Variants in TRIM37 observed in about 807,000 individuals in gnomAD.
The protein encoded by TRIM37 is tripartite motif containing 37.
Under a neutral mutation model 129.8 loss-of-function variants are expected in TRIM37, and 80 were observed. The observed-to-expected ratio is 0.62, with a 90% CI of 0.51 to 0.74. The LOEUF is 0.74. Ranked by LOEUF, TRIM37 falls within the 30% of genes least tolerant of loss-of-function variation. The pLI is 0.00. For missense variants in TRIM37, 1,054 were observed against 1,176.5 expected (o/e 0.90, Z 1.52); for synonymous variants, 389 against 387.1 (o/e 1.00, Z -0.06).
At chr17:59,025,691 T>C (rs1222004654) in intron 19 of TRIM37, among the ~76,000 whole-genome samples, 3 of 152,104 alleles carry the variant, frequency 2.0e-5, no homozygotes, top group Non-Finnish European at 4.4e-5. Flanking sequence ...TTTTCAATCT[T>C]TCTCTGGTTG....
At chr17:59,086,125 C>G (rs935584746) in intron 4 of TRIM37, among the ~76,000 whole-genome samples, 1 of 151,942 alleles carries the variant, frequency 6.6e-6, no homozygotes, top group Non-Finnish European at 1.5e-5. Context: ...ACATGCTTAA[C>G]ATAACTGAAC....
At chr17:59,037,482 T>C (rs1396592248) in intron 17 of TRIM37, among the ~76,000 whole-genome samples, 2 of 127,412 alleles carry the variant, frequency 1.6e-5, no homozygotes, top group East Asian at 2.7e-4. Context: ...GGGGTGAACC[T>C]GGGAGGCGGA....
chr17:59,098,858 G>A (rs934278746), intron 2 of TRIM37, among the ~76,000 whole-genome samples: 1 of 151,944 alleles, frequency 6.6e-6, no homozygotes, highest in Non-Finnish European at 1.5e-5. Flanking sequence ...TCCAAAAAGT[G>A]AAAACAACCC....
Position 59,022,343 on chromosome 17 carries a change from T to C in TRIM37, c.2258-4919A>G, listed in dbSNP as rs558627998. ...AAAAATAATATAATTTACTTTATGA[T>C]AACAAAGTAATGGAACAAAATAGTA... On this transcript the variant is annotated intron_variant, in intron 19 of 23. Transcript: ENST00000262294. Among the ~76,000 whole-genome samples, 171 of 152,332 alleles carry C rather than the reference T, an allele frequency of 1.1e-3. 1 individual carries two copies. The highest frequency in any genetic ancestry group is 3.4e-3 in the Middle Eastern group (1 of 294).
At chr17:59,005,179 T>C (rs1031368252) in intron 22 of TRIM37, among the ~76,000 whole-genome samples, 4 of 152,184 alleles carry the variant, frequency 2.6e-5, no homozygotes, top group African/African-American at 9.6e-5. Flanking sequence ...AATACCAACC[T>C]TCAGGATTCA....
chr17:59,061,279 A>G (rs1178164323), intron 11 of TRIM37, among the ~76,000 whole-genome samples, 171 bp from the exon 12 acceptor site: 1 of 152,124 alleles, frequency 6.6e-6, no homozygotes, highest in Admixed American at 6.5e-5. Context: ...ACTTTTGTGC[A>G]TTAAAAAAAA....
chr17:59,078,970 A>G (rs978228309), intron 7 of TRIM37, among the ~76,000 whole-genome samples: 2 of 152,160 alleles, frequency 1.3e-5, no homozygotes, highest in African/African-American at 2.4e-5. Context: ...TCATTTTTAA[A>G]AAGTTAAAAA....
intron 13 of TRIM37, among the ~76,000 whole-genome samples, chr17:59,054,009 T>C (rs1437744025): frequency 2.0e-5 from 3 of 152,176 alleles, no homozygotes; most frequent in African/African-American, 7.2e-5. Context: ...AACTTCTTTA[T>C]ACTTCCAGAA....
chr17:59,076,128 A>G (rs1382479319), intron 7 of TRIM37, among the ~76,000 whole-genome samples: 1 of 152,238 alleles, frequency 6.6e-6, no homozygotes, highest in African/African-American at 2.4e-5. Context: ...AAAGTGGGCC[A>G]GATTTTTAGG....
chr17:59,041,702 C>T (rs1225397354), intron 17 of TRIM37, 111 bp downstream of exon 17: 4 of 787,282 alleles, frequency 5.1e-6, no homozygotes, highest in Non-Finnish European at 8.9e-6. Flanking sequence ...CCACTTCCAA[C>T]ACCATGAACC....
chr17:59,101,637 A>AGTG (rs1228083946), intron 2 of TRIM37, among the ~76,000 whole-genome samples: 1 of 134,782 alleles, frequency 7.4e-6, no homozygotes, highest in Non-Finnish European at 1.6e-5. Context: ...TGGGCAACAT[A>AGTG]GTGAAACCCC....
intron 19 of TRIM37, 53 bp downstream of exon 19, chr17:59,028,362 T>C: frequency 6.5e-7 from 1 of 1,544,336 alleles, no homozygotes; most frequent in East Asian, 2.2e-5. Context: ...AAACCAGTCA[T>C]CTAGTTTCCC....
rs1256735637 is a variant in TRIM37, at chr17:59,083,917, T to C, written c.369+85A>G. ...TTTTAACTTTCATTCTACGAGAGCATAATGACACTATTTTCTATCTGAATA... is the reference window on the plus strand; with the variant it reads ...TTTTAACTTTCATTCTACGAGAGCACAATGACACTATTTTCTATCTGAATA... On this transcript the variant is annotated intron_variant, in intron 5 of 23. Coordinates refer to ENST00000262294, the MANE Select transcript of TRIM37 (RefSeq NM_015294.6). 3.7e-6 allele frequency: 4 copies of C among 1,074,240 alleles called. No homozygotes were observed. The Admixed American group carries it at 6.8e-5, about 18-fold the overall frequency. 66.5% of individuals were successfully genotyped at this position (1,074,240 alleles called of 1,614,324 possible).
At chr17:59,012,573 T>A in intron 21 of TRIM37, 127 bp from the exon 22 acceptor site, 1 of 702,348 alleles carries the variant, frequency 1.4e-6, no homozygotes, top group African/African-American at 1.8e-5. Flanking sequence ...ATTTCAAATT[T>A]TATCTGAAAA....
At chr17:59,041,165 T>C (rs1402825402) in intron 17 of TRIM37, among the ~76,000 whole-genome samples, 1 of 152,188 alleles carries the variant, frequency 6.6e-6, no homozygotes, top group Non-Finnish European at 1.5e-5. Flanking sequence ...CTTAATTAAA[T>C]AGATCCGAGA....
At chr17:59,005,471 A>G (rs1337533038) in intron 22 of TRIM37, among the ~76,000 whole-genome samples, 1 of 152,114 alleles carries the variant, frequency 6.6e-6, no homozygotes, top group Non-Finnish European at 1.5e-5. Flanking sequence ...TTTTTAGTAG[A>G]GATGTGTTTC....
At chr17:59,065,296 C>T (rs8079298) in intron 9 of TRIM37, among the ~76,000 whole-genome samples, 134,160 of 152,206 alleles carry the variant, frequency 0.88, 59,472 homozygotes, top group East Asian at 1. Context: ...ACTTCCTACT[C>T]TGGAATGGAT....
chr17:59,055,201 T>C (rs2040723155), intron 13 of TRIM37, among the ~76,000 whole-genome samples: 1 of 151,162 alleles, frequency 6.6e-6, no homozygotes, highest in Non-Finnish European at 1.5e-5. Flanking sequence ...CCAGGCATGG[T>C]GGCGCGTGCC....
intron 18 of TRIM37, among the ~76,000 whole-genome samples, 169 bp downstream of exon 18, chr17:59,031,727 G>C (rs554723633): frequency 6.6e-6 from 1 of 152,126 alleles, no homozygotes; most frequent in African/African-American, 2.4e-5. Context: ...ACCTTTGAAC[G>C]GTAATTTAAA....
Sources: gnomAD v4.1 joint callset for allele counts (sites outside exome capture counted in the v4.1 genomes callset) on GRCh38, gnomAD v4.1.1 for gene constraint, MANE v1.5 for transcripts, NCBI Gene and HGNC (gene_info 2026-07-23, HGNC 2026-07-21) for gene names.